Variants in ADCY8 observed in about 807,000 individuals in gnomAD.
ADCY8 encodes the protein adenylate cyclase 8.
ADCY8 carries 51 observed loss-of-function variants against 119.7 expected under a neutral mutation model. The observed-to-expected ratio is 0.43, with a 90% CI of 0.34 to 0.54. The LOEUF (loss-of-function observed/expected upper bound fraction) is 0.54. ADCY8 is among the 20% of genes least tolerant of loss of function. ADCY8 has a pLI of 0.03. For missense variants in ADCY8, 1,383 were observed against 1,598.8 expected, an observed-to-expected ratio of 0.87 and a Z score of 2.30; for synonymous variants, 665 against 651.0, an observed-to-expected ratio of 1.02 and a Z score of -0.33.
chr8:130,986,404 T>C (rs939882415), intron 2 of ADCY8, among the ~76,000 whole-genome samples: 3 of 152,242 alleles, frequency 2.0e-5, no homozygotes, highest in Non-Finnish European at 2.9e-5. Context: ...CTATGCTAGA[T>C]AAAAACCAGA....
intron 15 of ADCY8, 95 bp downstream of exon 15, chr8:130,800,331 C>T: frequency 7.4e-7 from 1 of 1,350,846 alleles, no homozygotes. Flanking sequence ...CCGTTAAGTG[C>T]AAAAAAAAAA....
chr8:130,960,080 C>A (rs934295840), intron 2 of ADCY8, among the ~76,000 whole-genome samples: 1 of 151,966 alleles, frequency 6.6e-6, no homozygotes, highest in African/African-American at 2.4e-5. Flanking sequence ...ATCATCCAGG[C>A]AGGAGGTGAA....
intron 11 of ADCY8, among the ~76,000 whole-genome samples, chr8:130,845,638 G>A (rs1817273010): frequency 6.6e-6 from 1 of 152,090 alleles, no homozygotes; most frequent in Admixed American, 6.5e-5. Flanking sequence ...AGTACACTAA[G>A]CTGGGACTCC....
At chr8:130,982,019 A>G (rs1822255419) in intron 2 of ADCY8, among the ~76,000 whole-genome samples, 1 of 152,360 alleles carries the variant, frequency 6.6e-6, no homozygotes, top group East Asian at 1.9e-4. Context: ...ACTTAGAGCT[A>G]GGAATCAAAT....
chr8:131,037,092 G>C (rs1477451092), intron 1 of ADCY8, among the ~76,000 whole-genome samples: 3 of 152,116 alleles, frequency 2.0e-5, no homozygotes. Flanking sequence ...AGCCAATAGA[G>C]GGCGCCAAAG....
intron 14 of ADCY8, among the ~76,000 whole-genome samples, chr8:130,801,821 C>G (rs1815787125): frequency 6.6e-6 from 1 of 151,806 alleles, no homozygotes; most frequent in South Asian, 2.1e-4. Context: ...TTGATCACCC[C>G]AAGATCTTGA....
intron 9 of ADCY8, among the ~76,000 whole-genome samples, chr8:130,862,408 ATTTTGTTTTG>A (rs1005586081): frequency 2.6e-5 from 4 of 151,684 alleles, no homozygotes; most frequent in African/African-American, 9.7e-5. Flanking sequence ...ATTTAGTTCA[ATTTTGTTTTG>A]TTTTGTTTTG....
chr8:130,869,662 C>T (rs1343854828), intron 8 of ADCY8, among the ~76,000 whole-genome samples: 16 of 151,438 alleles, frequency 1.1e-4, no homozygotes, highest in African/African-American at 3.1e-4. Flanking sequence ...GGACTACAGG[C>T]GCCTGCCACC....
At chr8:130,831,597 G>GA (rs1397864191) in intron 12 of ADCY8, among the ~76,000 whole-genome samples, 6 of 152,168 alleles carry the variant, frequency 3.9e-5, no homozygotes, top group Non-Finnish European at 7.4e-5. Context: ...CCCATGGTTC[G>GA]AATACAGCCT....
At chr8:130,984,090 A>G (rs1283904957) in intron 2 of ADCY8, among the ~76,000 whole-genome samples, 2 of 152,108 alleles carry the variant, frequency 1.3e-5, no homozygotes, top group South Asian at 4.2e-4. Flanking sequence ...AGGGGACAGG[A>G]GCCTGCATGG....
chr8:130,887,099 T>A (rs1819016437), intron 7 of ADCY8, among the ~76,000 whole-genome samples: 1 of 152,136 alleles, frequency 6.6e-6, no homozygotes, highest in Admixed American at 6.5e-5. Context: ...CTCATATTAA[T>A]GTGAACTGGT....
At chr8:130,808,800 G>A (rs947098848) in intron 14 of ADCY8, among the ~76,000 whole-genome samples, 1 of 152,158 alleles carries the variant, frequency 6.6e-6, no homozygotes, top group African/African-American at 2.4e-5. Context: ...GTAACCTGGC[G>A]TAGGTCACAC....
chr8:130,992,382 C>CACATATATAT lies in ADCY8; in HGVS notation c.961-1841_961-1840insATATATATGT, dbSNP rs1563758967. On this transcript the variant is annotated intron_variant, in intron 1 of 17. Transcript: ENST00000286355. ...TACATACATGAGCAACTGTATCTGG[C>CACATATATAT]ATATATATATATATATATATATATA... Among the ~76,000 whole-genome samples, 27 of 78,082 alleles carry CACATATATAT rather than the reference C, an allele frequency of 3.5e-4. 2 individuals are homozygous for CACATATATAT. The highest frequency in any genetic ancestry group is 1.1e-3 in the African/African-American group (21 of 18,758). 51.2% of individuals were successfully genotyped at this position (78,082 alleles called of 152,430 possible). A position where few individuals can be genotyped will look rare whatever the true frequency, so the allele number is the denominator to read the frequency against.
intron 5 of ADCY8, among the ~76,000 whole-genome samples, chr8:130,926,319 A>AAC (rs1488707440): frequency 6.6e-6 from 1 of 152,106 alleles, no homozygotes; most frequent in Non-Finnish European, 1.5e-5. Context: ...GAAAAAAAAA[A>AAC]AAACCTTTGG....
At position 130,956,431 on chromosome 8, in the gene ADCY8, G is replaced by A. The variant is rs144419846; in HGVS notation, c.1111-4433C>T. On this transcript the variant is annotated intron_variant, in intron 2 of 17. Transcript: ENST00000286355. ...TTGTCATTTCCTGTGGTTTGCACATGGACTCCTACTCATCTTCAAATTTGA... is the reference window on the plus strand; with the variant it reads ...TTGTCATTTCCTGTGGTTTGCACATAGACTCCTACTCATCTTCAAATTTGA... Among the ~76,000 whole-genome samples the A allele has an allele frequency of 3.8e-4, 58 of 152,282 alleles. 1 individual carries two copies. Among genetic ancestry groups the A allele is most frequent in the African/African-American group, 1.2e-4 (5 of 41,556 alleles).
chr8:130,824,364 A>C (rs1208504545), intron 12 of ADCY8, among the ~76,000 whole-genome samples: 1 of 152,212 alleles, frequency 6.6e-6, no homozygotes, highest in African/African-American at 2.4e-5. Context: ...AAAAAAATCC[A>C]AGACTGAGTT....
At chr8:130,833,316 A>G (rs780114726) in intron 12 of ADCY8, among the ~76,000 whole-genome samples, 4 of 152,186 alleles carry the variant, frequency 2.6e-5, no homozygotes, top group Non-Finnish European at 5.9e-5. Context: ...TTTGTTCTTC[A>G]GAATGTTACT....
chr8:131,010,933 C>T (rs918228985), intron 1 of ADCY8, among the ~76,000 whole-genome samples: 5 of 152,228 alleles, frequency 3.3e-5, no homozygotes, highest in African/African-American at 1.2e-4. Context: ...TTTTACTCAG[C>T]TGTTGGTTTT....
Position 130,843,374 on chromosome 8 carries a change from A to C in ADCY8, c.2502+4050T>G, listed in dbSNP as rs545466800. Among the ~76,000 whole-genome samples the C allele has an allele frequency of 7.1e-4, 108 of 152,246 alleles. 1 individual carries two copies. Among genetic ancestry groups the C allele is most frequent in the African/African-American group, 2.5e-3 (104 of 41,542 alleles). The stretch of plus-strand genomic sequence containing the variant: ...CTGATTGAACCCTTTTCAGATCTCT[A>C]GGTTTTTCTCTCTATGCAACTCTCC... On this transcript the variant is annotated intron_variant, in intron 11 of 17. Transcript: ENST00000286355.
Sources: allele counts gnomAD v4.1 joint callset (sites outside exome capture counted in the v4.1 genomes callset), GRCh38; gene constraint gnomAD v4.1.1; transcripts MANE v1.5; gene names NCBI Gene and HGNC (gene_info 2026-07-23, HGNC 2026-07-21).